QRFPR: variants seen among roughly 807,000 people sequenced by gnomAD.
The protein encoded by QRFPR is pyroglutamylated RF-amide peptide receptor.
Under a neutral mutation model 31.3 loss-of-function variants are expected in QRFPR, and 37 were observed. The ratio of observed to expected loss-of-function variants is 1.18; its 90% CI spans 0.91 to 1.56. The LOEUF is 1.56. Ranked by LOEUF, QRFPR falls within the 40% of genes most tolerant of loss-of-function variation. The probability of loss-of-function intolerance (pLI) is 0.00; values close to 1 mark genes in which losing one functional copy is unlikely to be tolerated. For synonymous variants in QRFPR, 197 were observed against 192.0 expected (o/e 1.03, Z -0.22); for missense variants, 542 against 532.5 (o/e 1.02, Z -0.18).
At chr4:121,339,677 C>A (rs1382172185) in intron 2 of QRFPR, among the ~76,000 whole-genome samples, 1 of 152,012 alleles carries the variant, frequency 6.6e-6, no homozygotes, top group Non-Finnish European at 1.5e-5. Flanking sequence ...TGGCTCACAC[C>A]GGTAATCCTA....
At chr4:121,365,982 T>A (rs969293759) in intron 1 of QRFPR, among the ~76,000 whole-genome samples, 2 of 148,376 alleles carry the variant, frequency 1.3e-5, no homozygotes, top group Non-Finnish European at 3.0e-5. Flanking sequence ...AGAGTCAATT[T>A]TCACAAAGAT....
chr4:121,341,349 C>G (rs954717460), intron 1 of QRFPR, among the ~76,000 whole-genome samples: 2 of 152,160 alleles, frequency 1.3e-5, no homozygotes, highest in African/African-American at 4.8e-5. Context: ...TCATTCCCAG[C>G]TACAAGAGGA....
chr4:121,353,680 A>G (rs868544447), intron 1 of QRFPR, among the ~76,000 whole-genome samples: 2 of 151,832 alleles, frequency 1.3e-5, no homozygotes, highest in Admixed American at 1.3e-4. Flanking sequence ...CACTTTGTTG[A>G]CCGTTTCCTT....
chr4:121,355,696 T>G (rs570274861), intron 1 of QRFPR, among the ~76,000 whole-genome samples: 8 of 152,068 alleles, frequency 5.3e-5, no homozygotes, highest in Non-Finnish European at 8.8e-5. Flanking sequence ...AGGATTTTAT[T>G]ACTTTAAATT....
At chr4:121,367,015 C>T (rs2110482476) in intron 1 of QRFPR, among the ~76,000 whole-genome samples, 1 of 150,150 alleles carries the variant, frequency 6.7e-6, no homozygotes, top group East Asian at 2.0e-4. Context: ...GTCACTCTCA[C>T]CCTGGTGTCC....
intron 5 of QRFPR, 80 bp from the exon 6 acceptor site, chr4:121,329,794 A>T: frequency 9.7e-7 from 1 of 1,034,336 alleles, no homozygotes; most frequent in South Asian, 1.9e-5. Context: ...CCTGTCAAAG[A>T]CTTAAACTTG....
At chr4:121,352,432 A>G (rs1037265700) in intron 1 of QRFPR, among the ~76,000 whole-genome samples, 6 of 152,128 alleles carry the variant, frequency 3.9e-5, no homozygotes, top group African/African-American at 1.4e-4. Context: ...CAAAAGCAGA[A>G]AACGAAGTAT....
intron 1 of QRFPR, among the ~76,000 whole-genome samples, chr4:121,347,577 T>C (rs1725679002): frequency 6.6e-6 from 1 of 152,156 alleles, no homozygotes; most frequent in Non-Finnish European, 1.5e-5. Flanking sequence ...ACTTTGACGC[T>C]TAAAGTAATA....
intron 1 of QRFPR, among the ~76,000 whole-genome samples, chr4:121,355,776 T>C (rs1421869177): frequency 6.6e-6 from 1 of 151,994 alleles, no homozygotes; most frequent in Non-Finnish European, 1.5e-5. Flanking sequence ...TTATTTGTTT[T>C]AAGAAATTTT....
intron 1 of QRFPR, 36 bp downstream of exon 1, chr4:121,380,272 G>T (rs771359419): frequency 6.7e-7 from 1 of 1,486,922 alleles, no homozygotes; most frequent in South Asian, 1.2e-5. Flanking sequence ...AGAGGGTTAA[G>T]AGAGAAGGAG....
At chr4:121,349,466 C>A (rs567888441) in intron 1 of QRFPR, among the ~76,000 whole-genome samples, 1 of 152,260 alleles carries the variant, frequency 6.6e-6, no homozygotes, top group Admixed American at 6.5e-5. Flanking sequence ...TCCAACTCTT[C>A]TAATTTATAT....
At chr4:121,337,291 A>G (rs1725454362) in intron 2 of QRFPR, among the ~76,000 whole-genome samples, 1 of 152,114 alleles carries the variant, frequency 6.6e-6, no homozygotes, top group Non-Finnish European at 1.5e-5. Flanking sequence ...CCCAGTGTCT[A>G]TCTGTGGACT....
intron 1 of QRFPR, among the ~76,000 whole-genome samples, chr4:121,340,998 C>T (rs1178731167): frequency 2.6e-5 from 4 of 152,170 alleles, no homozygotes; most frequent in Non-Finnish European, 5.9e-5. Context: ...CCTGGCAAAT[C>T]ACAACAAAGA....
chr4:121,342,536 C>G (rs1725562076), intron 1 of QRFPR, among the ~76,000 whole-genome samples: 1 of 152,182 alleles, frequency 6.6e-6, no homozygotes, highest in African/African-American at 2.4e-5. Flanking sequence ...CCTATCTCCT[C>G]TCATTCCTCA....
At chr4:121,343,010 A>G (rs1461849416) in intron 1 of QRFPR, among the ~76,000 whole-genome samples, 1 of 152,152 alleles carries the variant, frequency 6.6e-6, no homozygotes, top group Non-Finnish European at 1.5e-5. Flanking sequence ...CTCATTTGCT[A>G]TGCTTTTCAG....
rs1560743523 is a variant in QRFPR at position 121,365,525 on chromosome 4, AT to A, written c.340+14782del. On this transcript the variant is annotated intron_variant, in intron 1 of 5. Coordinates refer to ENST00000394427, the MANE Select transcript of QRFPR (RefSeq NM_198179.3). Reference sequence around the variant, plus strand: ...AATATATATAATATATATTATATATATTATATATAATATATATTATATATAA... The same window carrying A: ...AATATATATAATATATATTATATATATATATATAATATATATTATATATAA... Among the ~76,000 whole-genome samples the A allele has an allele frequency of 7.4e-3, 59 of 8,006 alleles. 6 individuals are homozygous for A. Among genetic ancestry groups the A allele is most frequent in the African/African-American group, 0.015 (13 of 882 alleles). 5.3% of individuals were successfully genotyped at this position (8,006 alleles called of 152,430 possible). A position where few individuals can be genotyped will look rare whatever the true frequency, so the allele number is the denominator to read the frequency against.
intron 1 of QRFPR, among the ~76,000 whole-genome samples, chr4:121,344,047 T>A (rs1353209266): frequency 3.3e-5 from 5 of 152,246 alleles, no homozygotes; most frequent in Admixed American, 3.3e-4. Context: ...GATACATTCT[T>A]TAATAAATGG....
chr4:121,368,872 A>G (rs1161845745), intron 1 of QRFPR, among the ~76,000 whole-genome samples: 1 of 133,774 alleles, frequency 7.5e-6, no homozygotes, highest in Non-Finnish European at 1.6e-5. Context: ...AAAATAGGTA[A>G]TGAGGTCCCC....
intron 1 of QRFPR, among the ~76,000 whole-genome samples, chr4:121,353,977 A>G (rs1228526074): frequency 6.6e-6 from 1 of 152,034 alleles, no homozygotes; most frequent in Non-Finnish European, 1.5e-5. Context: ...TCCTTTCCCT[A>G]GTATATGTTC....
Sources: gnomAD v4.1 joint callset for allele counts (sites outside exome capture counted in the v4.1 genomes callset) on GRCh38, gnomAD v4.1.1 for gene constraint, MANE v1.5 for transcripts, NCBI Gene and HGNC (gene_info 2026-07-23, HGNC 2026-07-21) for gene names.